The following PRKAG2 variants were observed in gnomAD, a reference collection of about 807,000 sequenced individuals.
PRKAG2 encodes the protein 5'-AMP-activated protein kinase subunit gamma-2.
PRKAG2 carries 26 observed loss-of-function variants against 69.6 expected under a neutral mutation model. The observed-to-expected ratio is 0.37, with a 90% CI of 0.27 to 0.52. PRKAG2 has a LOEUF of 0.52. PRKAG2 is among the 20% of genes least tolerant of loss of function. PRKAG2 has a pLI of 0.90. For missense variants in PRKAG2, 557 were observed against 740.0 expected (o/e 0.75, Z 2.87); for synonymous variants, 293 against 285.0 (o/e 1.03, Z -0.28).
At position 151,719,367 on chromosome 7, in the gene PRKAG2, G is replaced by A. The variant is rs2151634360; in HGVS notation, c.467-43730C>T. ...ACCGCTCAGGCCTCCTGCTGGGGGA[G>A]CTGGGCTATAACTTCCGCTTCCCCC... On this transcript the variant is annotated intron_variant, in intron 3 of 15. Transcript: ENST00000287878. The surrounding 1 kb of genome is among the most constrained non-coding windows in gnomAD (Gnocchi z 5.2). Among the ~76,000 whole-genome samples, 1 of 152,224 alleles carries A rather than the reference G, an allele frequency of 6.6e-6. No individual in the cohort carries two copies. Among genetic ancestry groups the A allele is most frequent in the South Asian group, 2.1e-4 (1 of 4,774 alleles).
chr7:151,845,168 G>A (rs1383015169), intron 1 of PRKAG2, among the ~76,000 whole-genome samples: 4 of 151,650 alleles, frequency 2.6e-5, no homozygotes, highest in Non-Finnish European at 2.9e-5. Context: ...TCCTGGCAGC[G>A]ACAAAAATGG....
At chr7:151,829,430 TAA>T (rs887215094) in intron 1 of PRKAG2, among the ~76,000 whole-genome samples, 1 of 152,126 alleles carries the variant, frequency 6.6e-6, no homozygotes, top group African/African-American at 2.4e-5. Flanking sequence ...GGTGGGAATG[TAA>T]AACGGTGCTG....
intron 3 of PRKAG2, among the ~76,000 whole-genome samples, chr7:151,700,497 AC>A (rs1837494265): frequency 6.6e-6 from 1 of 151,834 alleles, no homozygotes; most frequent in Non-Finnish European, 1.5e-5. Flanking sequence ...AAGAATCAGG[AC>A]CCCCTTTTTA....
intron 1 of PRKAG2, among the ~76,000 whole-genome samples, chr7:151,870,154 T>TAGATAGATAGATAGGCAGGCAGGC (rs1159760978): frequency 5.1e-5 from 7 of 138,318 alleles, no homozygotes; most frequent in African/African-American, 1.9e-4. Context: ...GATAGATAGA[T>TAGATAGATAGATAGGCAGGCAGGC]AGGCAGGCAG....
At chr7:151,752,195 T>C (rs1345561537) in intron 3 of PRKAG2, among the ~76,000 whole-genome samples, 1 of 152,294 alleles carries the variant, frequency 6.6e-6, no homozygotes, top group East Asian at 1.9e-4. Flanking sequence ...ATGTAGTACA[T>C]ATGTGCTGCG....
chr7:151,652,110 T>C (rs1271884968), intron 4 of PRKAG2, among the ~76,000 whole-genome samples: 1 of 152,228 alleles, frequency 6.6e-6, no homozygotes, highest in East Asian at 1.9e-4. Flanking sequence ...TTCTGTATTG[T>C]ATACACATAT....
intron 4 of PRKAG2, among the ~76,000 whole-genome samples, chr7:151,645,102 T>C (rs1388779023): frequency 6.6e-6 from 1 of 152,194 alleles, no homozygotes; most frequent in Admixed American, 6.5e-5. Context: ...CTGGCATTCA[T>C]GTACTTGTGT....
rs1389579155 is a variant in PRKAG2 at position 151,583,671 on chromosome 7, G to T, written c.865-7219C>A. 1.3e-5 allele frequency among the ~76,000 whole-genome samples: 2 copies of T among 152,198 alleles called. No homozygotes were observed. Among genetic ancestry groups the T allele is most frequent in the African/African-American group, 4.8e-5 (2 of 41,460 alleles). On this transcript the variant is annotated intron_variant, in intron 6 of 15. Transcript: ENST00000287878. The surrounding 1 kb of genome is among the most constrained non-coding windows in gnomAD (Gnocchi z 4.1). ...AACACAATCTAGTTCTAATTTGCAG[G>T]AAGAAACCGCTCAGGGATCTTGAGT...
At chr7:151,696,322 A>G (rs142268839) in intron 3 of PRKAG2, among the ~76,000 whole-genome samples, 281 of 152,344 alleles carry the variant, frequency 1.8e-3, no homozygotes, top group South Asian at 3.3e-3. Flanking sequence ...CCCAGCTCCA[A>G]TGGCAACTGG....
intron 3 of PRKAG2, among the ~76,000 whole-genome samples, chr7:151,766,587 T>C (rs2075745619): frequency 6.6e-6 from 1 of 152,102 alleles, no homozygotes; most frequent in East Asian, 1.9e-4. Flanking sequence ...TCAGGCCACT[T>C]TAGAAAGGGG....
At chr7:151,679,614 C>A (rs1031629927) in intron 3 of PRKAG2, among the ~76,000 whole-genome samples, 1 of 152,306 alleles carries the variant, frequency 6.6e-6, no homozygotes, top group Admixed American at 6.5e-5. Flanking sequence ...TGCCACCCCC[C>A]ACATCCTCAT....
At chr7:151,575,558 T>C (rs1229238935) in intron 7 of PRKAG2, among the ~76,000 whole-genome samples, 1 of 152,240 alleles carries the variant, frequency 6.6e-6, no homozygotes, top group Non-Finnish European at 1.5e-5. Context: ...CGATGGCATT[T>C]AGATAGCTGT....
chr7:151,800,166 G>A (rs1270684145), intron 1 of PRKAG2, among the ~76,000 whole-genome samples: 1 of 151,828 alleles, frequency 6.6e-6, no homozygotes, highest in East Asian at 1.9e-4. Context: ...GACCATCCTG[G>A]CTAACATGGT....
At chr7:151,660,241 C>T (rs1038576701) in intron 4 of PRKAG2, among the ~76,000 whole-genome samples, 2 of 152,132 alleles carry the variant, frequency 1.3e-5, no homozygotes, top group Non-Finnish European at 2.9e-5. Context: ...GATTCAAGTC[C>T]AGGAACGTGG....
At chr7:151,735,848 G>T in intron 3 of PRKAG2, 3 of 1,535,074 alleles carry the variant, frequency 2.0e-6, no homozygotes, top group Non-Finnish European at 2.6e-6. Flanking sequence ...ACGCCGTGGG[G>T]TTCCCTCCCA....
chr7:151,665,422 GTCTC>G (rs892046824), intron 4 of PRKAG2, among the ~76,000 whole-genome samples: 2 of 152,284 alleles, frequency 1.3e-5, no homozygotes, highest in African/African-American at 4.8e-5. Context: ...AGTCGTGTGT[GTCTC>G]TCTCTCTGCC....
intron 1 of PRKAG2, among the ~76,000 whole-genome samples, chr7:151,862,800 C>T (rs1189606996): frequency 6.6e-6 from 1 of 151,890 alleles, no homozygotes; most frequent in East Asian, 1.9e-4. Flanking sequence ...CTGGTAGGTC[C>T]CTGGGTACAG....
intron 3 of PRKAG2, among the ~76,000 whole-genome samples, chr7:151,776,175 T>C (rs753588563): frequency 2.0e-5 from 3 of 152,164 alleles, no homozygotes; most frequent in Admixed American, 6.5e-5. Context: ...ACATGAGCAA[T>C]TGCCCTGGGG....
At chr7:151,599,100 G>C (rs939690255) in intron 5 of PRKAG2, among the ~76,000 whole-genome samples, 1 of 152,096 alleles carries the variant, frequency 6.6e-6, no homozygotes, top group African/African-American at 2.4e-5. Context: ...GATCTTGCAT[G>C]GCTCGGCCTC....
Sources: allele counts gnomAD v4.1 joint callset (sites outside exome capture counted in the v4.1 genomes callset), GRCh38; gene constraint gnomAD v4.1.1; non-coding constraint Gnocchi (gnomAD v3.1); transcripts MANE v1.5; gene names NCBI Gene and HGNC (gene_info 2026-07-23, HGNC 2026-07-21).